The following NUMB variants were observed in gnomAD, a reference collection of about 807,000 sequenced individuals.
NUMB encodes the protein protein numb homolog.
Under a neutral mutation model 59.7 loss-of-function variants are expected in NUMB, and 29 were observed. That is an observed-to-expected ratio of 0.49 (90% CI 0.36 to 0.66). The LOEUF (loss-of-function observed/expected upper bound fraction) is 0.66, where lower values mean the gene tolerates loss of function less well. Ranked by LOEUF, NUMB falls within the 30% of genes least tolerant of loss-of-function variation. NUMB has a pLI of 0.00. For missense variants in NUMB, 723 were observed against 822.0 expected, an observed-to-expected ratio of 0.88 and a Z score of 1.47; for synonymous variants, 288 against 288.2, an observed-to-expected ratio of 1.00 and a Z score of 0.01.
At chr14:73,324,567 G>A (rs56132952) in intron 4 of NUMB, among the ~76,000 whole-genome samples, 10,844 of 151,998 alleles carry the variant, frequency 0.071, 881 homozygotes, top group South Asian at 0.19. Context: ...GGGGAATTGA[G>A]GTGCTAAAAT....
chr14:73,401,626 G>A lies in NUMB; in HGVS notation c.-101+8311C>T, dbSNP rs561370370. Among the ~76,000 whole-genome samples the A allele has an allele frequency of 5.1e-4, 72 of 142,410 alleles. 1 individual carries two copies. The highest frequency in any genetic ancestry group is 9.1e-4 in the Non-Finnish European group (61 of 67,068). 93.4% of individuals were successfully genotyped at this position (142,410 alleles called of 152,430 possible). A position where few individuals can be genotyped will look rare whatever the true frequency, so the allele number is the denominator to read the frequency against. ...GCTCTGTCGCCCAGGCTGGAGTGCA[G>A]TGGCATGACCTTGGCTCACTGCAAG... On this transcript the variant is annotated intron_variant, in intron 2 of 12. Coordinates refer to ENST00000555238, the MANE Select transcript of NUMB (RefSeq NM_001005743.2).
At chr14:73,399,956 T>C (rs1332179931) in intron 2 of NUMB, among the ~76,000 whole-genome samples, 1 of 151,828 alleles carries the variant, frequency 6.6e-6, no homozygotes, top group Non-Finnish European at 1.5e-5. Context: ...GGAGAATCGT[T>C]TGAACGCAGG....
chr14:73,277,239 C>A lies in NUMB; in HGVS notation c.1295G>T (p.Gly432Val). ...GAASPGLFQAGHRRTPSEADR... is the reference protein window; with the variant it reads ...GAASPGLFQAVHRRTPSEADR... Reference sequence around the variant, plus strand: ...GGCCTCAGAGGGAGTACGTCTATGACCGGCCTGGAAGAGACCTGGAGAGGC... The same window carrying A: ...GGCCTCAGAGGGAGTACGTCTATGAACGGCCTGGAAGAGACCTGGAGAGGC... The change falls in exon 13 of 13, where the codon GGT (glycine) becomes GTT (valine). Residue 432 changes from glycine to valine, a missense_variant. Coordinates refer to ENST00000555238, the MANE Select transcript of NUMB (RefSeq NM_001005743.2). 1 of 1,613,442 alleles carries A rather than the reference C, an allele frequency of 6.2e-7. No homozygotes were observed. Among genetic ancestry groups the A allele is most frequent in the Non-Finnish European group, 8.5e-7 (1 of 1,179,534 alleles).
intron 11 of NUMB, chr14:73,282,129 G>A: frequency 2.2e-6 from 1 of 451,256 alleles, no homozygotes. Flanking sequence ...TTATAGAATG[G>A]GGTGAAAGAT....
At position 73,397,455 on chromosome 14, in the gene NUMB, A is replaced by G. The variant is rs183922335; in HGVS notation, c.-101+12482T>C. The stretch of plus-strand genomic sequence containing the variant: ...TTTGCCAAATTCACTGATGTAGCTG[A>G]TCCCACCATTGCTAATATCAAGCTA... On this transcript the variant is annotated intron_variant, in intron 2 of 12. Transcript: ENST00000555238. Among the ~76,000 whole-genome samples, 622 of 152,314 alleles carry G rather than the reference A, an allele frequency of 4.1e-3. 1 individual carries two copies. The highest frequency in any genetic ancestry group is 6.9e-3 in the Non-Finnish European group (467 of 68,026).
At chr14:73,356,416 G>A (rs1252985104) in intron 3 of NUMB, among the ~76,000 whole-genome samples, 1 of 152,152 alleles carries the variant, frequency 6.6e-6, no homozygotes. Flanking sequence ...GCTGAGATGG[G>A]CAGATCACTT....
intron 1 of NUMB, among the ~76,000 whole-genome samples, chr14:73,439,921 C>A (rs960864237): frequency 6.6e-6 from 1 of 152,092 alleles, no homozygotes; most frequent in African/African-American, 2.4e-5. Context: ...GAAATAGCAG[C>A]TGAACTTCAT....
At chr14:73,380,358 C>G (rs1895169219) in intron 2 of NUMB, among the ~76,000 whole-genome samples, 1 of 152,080 alleles carries the variant, frequency 6.6e-6, no homozygotes, top group African/African-American at 2.4e-5. Flanking sequence ...TTGTGAGATG[C>G]AGCAGACAGA....
intron 2 of NUMB, among the ~76,000 whole-genome samples, chr14:73,368,548 A>G (rs1274452506): frequency 6.6e-6 from 1 of 151,832 alleles, no homozygotes; most frequent in Admixed American, 6.6e-5. Context: ...GCGCCATTGC[A>G]CTCCAGCCTG....
intron 2 of NUMB, among the ~76,000 whole-genome samples, chr14:73,393,989 G>A (rs989756287): frequency 2.0e-5 from 3 of 152,044 alleles, no homozygotes; most frequent in Non-Finnish European, 2.9e-5. Flanking sequence ...TTTTTGAGAC[G>A]GAGTTTCACT....
At chr14:73,384,343 C>A (rs1253800893) in intron 2 of NUMB, among the ~76,000 whole-genome samples, 2 of 152,148 alleles carry the variant, frequency 1.3e-5, no homozygotes, top group East Asian at 3.9e-4. Flanking sequence ...CCCGCCTCGG[C>A]CTCCCAAAAG....
At chr14:73,420,849 G>A (rs189726692) in intron 1 of NUMB, among the ~76,000 whole-genome samples, 29 of 152,114 alleles carry the variant, frequency 1.9e-4, no homozygotes, top group Admixed American at 1.5e-3. Context: ...ACTCCAGCCC[G>A]AGCAACAGAG....
At chr14:73,412,917 G>T (rs969704922) in intron 1 of NUMB, among the ~76,000 whole-genome samples, 2 of 151,474 alleles carry the variant, frequency 1.3e-5, no homozygotes, top group African/African-American at 4.9e-5. Context: ...CCTGCCAAAA[G>T]CAACTATTAA....
In NUMB at chr14:73,327,180, GAAAACATCTAAAATA is replaced by G. The variant is rs1282659521; in HGVS notation, c.127-3991_127-3977del. Among the ~76,000 whole-genome samples the G allele has an allele frequency of 1.2e-4, 19 of 152,128 alleles. 1 individual carries two copies. Among genetic ancestry groups the G allele is most frequent in the Admixed American group, 1.1e-3 (17 of 15,278 alleles). On this transcript the variant is annotated intron_variant, in intron 4 of 12. Coordinates refer to ENST00000555238, the MANE Select transcript of NUMB (RefSeq NM_001005743.2). Reference sequence around the variant, plus strand: ...AAGTGAGCCTCTCTGAAGACTCAGTGAAAACATCTAAAATAAGTTCATCATTATTCATACTTTCTC... The same window carrying G: ...AAGTGAGCCTCTCTGAAGACTCAGTGAGTTCATCATTATTCATACTTTCTC...
chr14:73,280,779 C>T (rs1459704549), intron 11 of NUMB, among the ~76,000 whole-genome samples: 4 of 146,680 alleles, frequency 2.7e-5, no homozygotes, highest in African/African-American at 1.0e-4. Flanking sequence ...CTGCAACCTC[C>T]GGCTCCCAGG....
At chr14:73,387,474 G>C (rs1566774213) in intron 2 of NUMB, among the ~76,000 whole-genome samples, 1 of 152,086 alleles carries the variant, frequency 6.6e-6, no homozygotes. Flanking sequence ...CACAAAATCT[G>C]ATGGTTTTAT....
intron 6 of NUMB, among the ~76,000 whole-genome samples, chr14:73,305,159 T>C (rs958088061): frequency 6.6e-6 from 1 of 152,218 alleles, no homozygotes; most frequent in African/African-American, 2.4e-5. Flanking sequence ...TCAGGACATA[T>C]GATCTCTATT....
intron 2 of NUMB, among the ~76,000 whole-genome samples, chr14:73,376,810 G>C (rs1358308046): frequency 6.6e-6 from 1 of 152,176 alleles, no homozygotes; most frequent in Admixed American, 6.5e-5. Context: ...CCAGGAGTTT[G>C]AGATTACAGT....
intron 2 of NUMB, among the ~76,000 whole-genome samples, chr14:73,394,207 G>A (rs757837779): frequency 6.6e-6 from 1 of 152,064 alleles, no homozygotes; most frequent in African/African-American, 2.4e-5. Context: ...AACCCACCTC[G>A]TGCTGGGATT....
Sources: allele counts gnomAD v4.1 joint callset (sites outside exome capture counted in the v4.1 genomes callset), GRCh38; gene constraint gnomAD v4.1.1; transcripts MANE v1.5; gene names NCBI Gene and HGNC (gene_info 2026-07-23, HGNC 2026-07-21).